HTR7: variants seen among roughly 807,000 people sequenced by gnomAD.
HTR7 encodes the protein 5-hydroxytryptamine receptor 7, also known as 5-HT-7.
A neutral mutation model predicts 34.0 loss-of-function variants in HTR7; 16 were observed. The ratio of observed to expected loss-of-function variants is 0.47; its 90% CI spans 0.32 to 0.71. HTR7 has a LOEUF of 0.71. HTR7 is among the 30% of genes least tolerant of loss of function. The pLI is 0.04. For missense variants in HTR7, 504 were observed against 625.5 expected (o/e 0.81, Z 2.07); for synonymous variants, 265 against 260.2 (o/e 1.02, Z -0.18).
At chr10:90,802,996 C>CTTTTTTTTTTTTTTTTTTTT (rs35715510) in intron 1 of HTR7, among the ~76,000 whole-genome samples, 1 of 89,008 alleles carries the variant, frequency 1.1e-5, no homozygotes, top group Non-Finnish European at 2.2e-5. Context: ...CATTTGTGGC[C>CTTTTTTTTTTTTTTTTTTTT]TTTTTTTTTT....
chr10:90,826,905 C>G (rs945695466), intron 1 of HTR7, among the ~76,000 whole-genome samples: 1 of 151,572 alleles, frequency 6.6e-6, no homozygotes. Flanking sequence ...CCACTGCACT[C>G]CAGCCTGGGT....
chr10:90,743,087 C>T (rs1332822781), intron 3 of HTR7, among the ~76,000 whole-genome samples: 1 of 143,316 alleles, frequency 7.0e-6, no homozygotes, highest in Non-Finnish European at 1.5e-5. Context: ...TCTGCACCTC[C>T]ACAGGCCTCA....
intron 1 of HTR7, among the ~76,000 whole-genome samples, chr10:90,787,630 C>T (rs1431111505): frequency 6.6e-6 from 1 of 152,044 alleles, no homozygotes; most frequent in Middle Eastern, 3.4e-3. Context: ...AATCCTCACA[C>T]CAGCCATATG....
At chr10:90,774,385 CAG>C (rs1203262790) in intron 1 of HTR7, among the ~76,000 whole-genome samples, 2 of 152,156 alleles carry the variant, frequency 1.3e-5, no homozygotes, top group Non-Finnish European at 2.9e-5. Flanking sequence ...CCTTAGTACT[CAG>C]TACTCATTTT....
intron 1 of HTR7, among the ~76,000 whole-genome samples, chr10:90,850,573 C>A (rs1846482328): frequency 6.6e-6 from 1 of 152,040 alleles, no homozygotes. Flanking sequence ...CCACAAGTGA[C>A]TCAGATATTG....
chr10:90,787,118 G>A (rs779924092), intron 1 of HTR7, among the ~76,000 whole-genome samples: 3 of 152,022 alleles, frequency 2.0e-5, no homozygotes, highest in East Asian at 1.9e-4. Context: ...TCCTCTAACC[G>A]TGCCTTATTC....
chr10:90,752,487 T>C (rs78064908), intron 1 of HTR7, among the ~76,000 whole-genome samples: 13 of 152,206 alleles, frequency 8.5e-5, no homozygotes, highest in Non-Finnish European at 1.6e-4. Context: ...CCTCAATCTA[T>C]AAATACCATA....
chr10:90,821,134 G>GCACACACACA (rs3035231), intron 1 of HTR7, among the ~76,000 whole-genome samples: 9,153 of 150,248 alleles, frequency 0.061, 407 homozygotes, highest in East Asian at 0.16. Flanking sequence ...ACACACACAT[G>GCACACACACA]CACACACACA....
At chr10:90,753,554 T>C (rs866976623) in intron 1 of HTR7, among the ~76,000 whole-genome samples, 12 of 152,322 alleles carry the variant, frequency 7.9e-5, no homozygotes, top group African/African-American at 2.6e-4. Flanking sequence ...TACGTTGCTA[T>C]TGGGAATGTC....
intron 1 of HTR7, among the ~76,000 whole-genome samples, chr10:90,853,673 G>T (rs1437976852): frequency 6.6e-6 from 1 of 151,942 alleles, no homozygotes; most frequent in Non-Finnish European, 1.5e-5. Flanking sequence ...TGGATGACAA[G>T]ATATTCTATA....
At chr10:90,828,890 G>A (rs565024358) in intron 1 of HTR7, among the ~76,000 whole-genome samples, 1 of 151,078 alleles carries the variant, frequency 6.6e-6, no homozygotes, top group East Asian at 1.9e-4. Context: ...AAGAAAACTA[G>A]ATAGGATGTA....
At chr10:90,786,730 C>G (rs562888811) in intron 1 of HTR7, among the ~76,000 whole-genome samples, 2 of 152,272 alleles carry the variant, frequency 1.3e-5, no homozygotes, top group African/African-American at 4.8e-5. Context: ...TTAAGCTCTT[C>G]CTATTCCTTG....
At chr10:90,792,781 A>G (rs1169301353) in intron 1 of HTR7, among the ~76,000 whole-genome samples, 2 of 152,144 alleles carry the variant, frequency 1.3e-5, no homozygotes, top group Non-Finnish European at 2.9e-5. Flanking sequence ...ATTTATCAGA[A>G]CTTATCAGAA....
At chr10:90,770,565 C>T (rs913007961) in intron 1 of HTR7, among the ~76,000 whole-genome samples, 11 of 152,230 alleles carry the variant, frequency 7.2e-5, no homozygotes, top group African/African-American at 2.7e-4. Flanking sequence ...GTGCCTGCTC[C>T]CATCTCAGAG....
At chr10:90,774,132 T>G (rs1845165463) in intron 1 of HTR7, among the ~76,000 whole-genome samples, 1 of 151,448 alleles carries the variant, frequency 6.6e-6, no homozygotes, top group Non-Finnish European at 1.5e-5. Context: ...AAAGCTCAGG[T>G]TATCTTCAGG....
intron 1 of HTR7, among the ~76,000 whole-genome samples, chr10:90,840,177 T>A (rs113345146): frequency 0.014 from 1,849 of 136,848 alleles, 25 homozygotes; most frequent in African/African-American, 0.044. Context: ...TCTCTCTCTC[T>A]CACACACACA....
At chr10:90,754,949 T>G (rs1329610085) in intron 1 of HTR7, among the ~76,000 whole-genome samples, 3 of 152,206 alleles carry the variant, frequency 2.0e-5, no homozygotes, top group Non-Finnish European at 4.4e-5. Flanking sequence ...AATCTCCGGC[T>G]GATGTCAGTG....
chr10:90,778,035 T>C (rs1256473316), intron 1 of HTR7, among the ~76,000 whole-genome samples: 1 of 152,164 alleles, frequency 6.6e-6, no homozygotes, highest in African/African-American at 2.4e-5. Flanking sequence ...CCCCTAAAGT[T>C]GATTCTAACT....
chr10:90,830,806 AG>A (rs1260530970), intron 1 of HTR7, among the ~76,000 whole-genome samples: 2 of 150,922 alleles, frequency 1.3e-5, no homozygotes, highest in African/African-American at 4.9e-5. Flanking sequence ...AAAAAAAAAA[AG>A]GCAAGCAAAC....
Sources: gnomAD v4.1 joint callset for allele counts (sites outside exome capture counted in the v4.1 genomes callset) on GRCh38, gnomAD v4.1.1 for gene constraint, MANE v1.5 for transcripts, NCBI Gene and HGNC (gene_info 2026-07-23, HGNC 2026-07-21) for gene names.